Variants in ZC3H7B observed in about 807,000 individuals in gnomAD.
The protein encoded by ZC3H7B is zinc finger CCCH-type containing 7B.
ZC3H7B carries 35 observed loss-of-function variants against 116.0 expected under a neutral mutation model. The observed-to-expected ratio is 0.30, with a 90% CI of 0.23 to 0.40. ZC3H7B has a LOEUF of 0.40. Among genes scored for constraint, ZC3H7B ranks in the 10% least tolerant of loss-of-function variants. ZC3H7B has a pLI of 1.00. For missense variants in ZC3H7B, 1,011 were observed against 1,321.5 expected (o/e 0.77, Z 3.64); for synonymous variants, 502 against 545.6 (o/e 0.92, Z 1.11).
At position 41,338,171 on chromosome 22, in the gene ZC3H7B, T is replaced by C. The variant is rs908526721; in HGVS notation, c.583-142T>C. 2 of 826,968 alleles carry C rather than the reference T, an allele frequency of 2.4e-6. No individual in the cohort carries two copies. The highest frequency in any genetic ancestry group is 2.7e-5 in the Admixed American group (1 of 37,564). 51.2% of individuals were successfully genotyped at this position (826,968 alleles called of 1,614,324 possible). On this transcript the variant is annotated intron_variant, in intron 7 of 22. Coordinates refer to ENST00000352645, the MANE Select transcript of ZC3H7B (RefSeq NM_017590.6). The surrounding 1 kb of genome is among the most constrained non-coding windows in gnomAD (Gnocchi z 4.5). ...GCATAAGCCACCACGCCTGGCCGCA[T>C]GTGAGGGCTTTAATCTCCCCTGGCA...
At chr22:41,344,918 G>A (rs2036565490) in intron 13 of ZC3H7B, among the ~76,000 whole-genome samples, 1 of 152,200 alleles carries the variant, frequency 6.6e-6, no homozygotes, top group African/African-American at 2.4e-5. Flanking sequence ...CCATCTTCTT[G>A]CCTCAGCCTC....
In ZC3H7B at chr22:41,357,320, G is replaced by A. The variant is rs773414156; in HGVS notation, c.2825G>A (p.Arg942Gln). The A allele has an allele frequency of 1.2e-5, 20 of 1,613,646 alleles. No individual in the cohort carries two copies. The highest frequency in any genetic ancestry group is 2.2e-5 in the East Asian group (1 of 44,892). Residue 942 changes from arginine to glutamine, a missense_variant, in exon 23 of 23, where the codon CGG becomes CAG. By Grantham distance (43) the Arg-to-Gln change is conservative. Transcript: ENST00000352645. This position sits in a 1 kb window ranked among gnomAD's most constrained non-coding sequence, Gnocchi z 5.4. ...KARKDMLLCP[R>Q]DDDFGKYNFL... ...CGCAAGGACATGCTGCTGTGCCCAC[G>A]GGACGACGACTTTGGCAAATACAAC... is the stretch of plus-strand genomic sequence containing the variant.
chr22:41,309,581 C>T (rs960469619), intron 1 of ZC3H7B, among the ~76,000 whole-genome samples: 2 of 152,178 alleles, frequency 1.3e-5, no homozygotes, highest in Non-Finnish European at 1.5e-5. Context: ...TCCCAAAGTG[C>T]TGGGATTACA....
At chr22:41,321,334 G>A (rs1012350765) in intron 2 of ZC3H7B, among the ~76,000 whole-genome samples, 1 of 151,324 alleles carries the variant, frequency 6.6e-6, no homozygotes, top group Non-Finnish European at 1.5e-5. Context: ...TCCTGCCTCA[G>A]CCTCTCGAGT....
At chr22:41,356,194 G>A in intron 20 of ZC3H7B, 132 bp downstream of exon 20, 1 of 1,479,122 alleles carries the variant, frequency 6.8e-7, no homozygotes, top group Non-Finnish European at 9.1e-7. Flanking sequence ...CCTGCCCCAT[G>A]CCGGGCCCTC....
chr22:41,355,895 CAGG>C, intron 19 of ZC3H7B, 33 bp downstream of exon 19: 7 of 1,611,234 alleles, frequency 4.3e-6, no homozygotes, highest in Non-Finnish European at 5.9e-6. Context: ...GGGGGTCCCC[CAGG>C]AGGCAGCGAT....
intron 1 of ZC3H7B, 34 bp from the exon 2 acceptor site, chr22:41,320,621 C>T (rs768537362): frequency 6.2e-7 from 1 of 1,613,036 alleles, no homozygotes; most frequent in Admixed American, 1.7e-5. Flanking sequence ...CTGGCTCTTG[C>T]TGACTGACTG....
intron 13 of ZC3H7B, among the ~76,000 whole-genome samples, chr22:41,345,693 G>A (rs1446547380): frequency 1.3e-5 from 2 of 152,212 alleles, no homozygotes; most frequent in Admixed American, 6.5e-5. Flanking sequence ...GGTGTGGAGT[G>A]CAGAAGCGGG....
intron 1 of ZC3H7B, among the ~76,000 whole-genome samples, chr22:41,308,918 C>T (rs2036081641): frequency 6.6e-6 from 1 of 151,990 alleles, no homozygotes; most frequent in Non-Finnish European, 1.5e-5. Flanking sequence ...TAGGTGCCCT[C>T]TTACCCCACC....
At chr22:41,322,775 C>T (rs2036273857) in intron 2 of ZC3H7B, among the ~76,000 whole-genome samples, 1 of 152,170 alleles carries the variant, frequency 6.6e-6, no homozygotes. Context: ...TTTGTTCTCT[C>T]ACACAGACCA....
At chr22:41,325,970 A>T in intron 4 of ZC3H7B, 52 bp downstream of exon 4, 4 of 1,548,144 alleles carry the variant, frequency 2.6e-6, no homozygotes, top group Non-Finnish European at 3.5e-6. Context: ...GATCCCCTGG[A>T]TGCCCAGTCG....
chr22:41,328,898 AAGAGAT>A (rs934482795), intron 5 of ZC3H7B, among the ~76,000 whole-genome samples: 2 of 151,944 alleles, frequency 1.3e-5, no homozygotes, highest in African/African-American at 4.8e-5. Flanking sequence ...TAAAAAAAGA[AAGAGAT>A]GGCCGGGCAC....
In ZC3H7B at chr22:41,327,306, T is replaced by C; in HGVS notation, c.386T>C (p.Leu129Pro). The change falls in exon 5 of 23, where the codon CTG becomes CCG. Residue 129 changes from leucine (L) to proline (P), a missense_variant. Physicochemically the swap from Leu to Pro is moderately conservative, Grantham distance 98 (BLOSUM62 -3). Around this residue, in one of 5 missense-constraint regions of ZC3H7B, gnomAD observed 322 missense variants for 443.9 expected, o/e 0.73. Coordinates refer to ENST00000352645, the MANE Select transcript of ZC3H7B (RefSeq NM_017590.6). This position sits in a 1 kb window ranked among gnomAD's most constrained non-coding sequence, Gnocchi z 4.5. Reference protein sequence around the residue: ...LFRKARALNELGRHKEAYECS... With the variant: ...LFRKARALNEPGRHKEAYECS... ...CGCAAGGCACGCGCTCTCAATGAAC[T>C]GGGACGCCACAAGGAGGCCTACGAG... 1 of 1,613,816 alleles carries C rather than the reference T, an allele frequency of 6.2e-7. No homozygotes were observed. The highest frequency in any genetic ancestry group is 8.5e-7 in the Non-Finnish European group (1 of 1,180,044).
intron 11 of ZC3H7B, among the ~76,000 whole-genome samples, chr22:41,341,895 C>G (rs1224291331): frequency 6.6e-6 from 1 of 152,060 alleles, no homozygotes; most frequent in East Asian, 1.9e-4. Flanking sequence ...TACCCCGTCT[C>G]TATTAAAAAT....
chr22:41,356,513 G>T (rs773060944), intron 21 of ZC3H7B, 37 bp downstream of exon 21: 4 of 1,612,806 alleles, frequency 2.5e-6, no homozygotes, highest in African/African-American at 1.3e-5. Context: ...GGCTGCGGTC[G>T]GGGCTGTGGT....
intron 7 of ZC3H7B, chr22:41,333,940 A>G (rs2036412102): frequency 6.6e-6 from 1 of 152,308 alleles, no homozygotes; most frequent in Non-Finnish European, 1.5e-5. Flanking sequence ...ATTTAAGCTG[A>G]GACCGGAAGG....
chr22:41,340,273 T>G (rs1457560412), intron 10 of ZC3H7B, 136 bp downstream of exon 10: 1 of 968,932 alleles, frequency 1.0e-6, no homozygotes, highest in Non-Finnish European at 1.5e-6. Context: ...AGGCCATGTC[T>G]GTGTGTTGCC....
chr22:41,330,766 A>G (rs2036371191), intron 6 of ZC3H7B, among the ~76,000 whole-genome samples: 1 of 151,018 alleles, frequency 6.6e-6, no homozygotes. Flanking sequence ...ACATGTAGAA[A>G]CCCCATCTCT....
intron 13 of ZC3H7B, 49 bp downstream of exon 13, chr22:41,343,625 C>T (rs1362820322): frequency 2.0e-6 from 3 of 1,509,790 alleles, no homozygotes; most frequent in African/African-American, 2.7e-5. Context: ...CCCAGCCCCT[C>T]CACCCCCAGC....
Sources: gnomAD v4.1 joint callset for allele counts (sites outside exome capture counted in the v4.1 genomes callset) on GRCh38, gnomAD v4.1.1 for gene constraint, gnomAD v4.1.1 regional missense constraint, Gnocchi (gnomAD v3.1) non-coding constraint, MANE v1.5 for transcripts, NCBI Gene and HGNC (gene_info 2026-07-23, HGNC 2026-07-21) for gene names.